The following MACF1 variants were observed in gnomAD, a reference collection of about 807,000 sequenced individuals.
MACF1 encodes microtubule-actin cross-linking factor 1.
MACF1 carries 193 observed loss-of-function variants against 854.8 expected under a neutral mutation model. The observed-to-expected ratio is 0.23, with a 90% CI of 0.20 to 0.25. The LOEUF (loss-of-function observed/expected upper bound fraction) is 0.25, where lower values mean the gene tolerates loss of function less well. Ranked by LOEUF, MACF1 falls within the 10% of genes least tolerant of loss-of-function variation. The pLI is 1.00. For synonymous variants in MACF1, 3,185 were observed against 3,226.7 expected (o/e 0.99, Z 0.44); for missense variants, 7,722 against 8,929.1 (o/e 0.86, Z 5.45).
At chr1:39,433,194 T>C (rs1213145958) in intron 68 of MACF1, 39 bp downstream of exon 68, 5 of 1,257,666 alleles carry the variant, frequency 4.0e-6, no homozygotes, top group African/African-American at 1.5e-5. Flanking sequence ...TGTTCCTGTT[T>C]TTATCATGGT....
chr1:39,388,857 TTTCTTCTTC>T (rs1283816752), intron 58 of MACF1, among the ~76,000 whole-genome samples, 199 bp downstream of exon 58: 9 of 139,844 alleles, frequency 6.4e-5, no homozygotes, highest in Non-Finnish European at 1.1e-4. Context: ...TCTTTTTCTT[TTTCTTCTTC>T]TTCTTCTTTT....
intron 2 of MACF1, among the ~76,000 whole-genome samples, chr1:39,241,376 G>A (rs1382307605): frequency 6.6e-6 from 1 of 151,868 alleles, no homozygotes; most frequent in Non-Finnish European, 1.5e-5. Flanking sequence ...TCAATACTAC[G>A]AGGCCAGGCA....
At chr1:39,362,639 G>A (rs1021313389) in intron 49 of MACF1, among the ~76,000 whole-genome samples, 1 of 151,930 alleles carries the variant, frequency 6.6e-6, no homozygotes, top group Non-Finnish European at 1.5e-5. Flanking sequence ...CAGCATAAGA[G>A]CACTTTTGGA....
At chr1:39,242,416 T>A (rs1171026175) in intron 2 of MACF1, among the ~76,000 whole-genome samples, 2 of 150,388 alleles carry the variant, frequency 1.3e-5, no homozygotes, top group Non-Finnish European at 1.5e-5. Flanking sequence ...CTGGGGAGGA[T>A]TGGACTTGGT....
chr1:39,358,772 C>G lies in MACF1; in HGVS notation c.12019C>G (p.Gln4007Glu). ...HQFQNSADSL[Q>E]AWMQACEANV... ...ATTCCAAAACAGTGCTGACAGCCTGCAGGCCTGGATGCAGGCTTGTGAGGC... is the reference window on the plus strand; with the variant it reads ...ATTCCAAAACAGTGCTGACAGCCTGGAGGCCTGGATGCAGGCTTGTGAGGC... The change falls in exon 46 of 101, where the codon CAG (glutamine) becomes GAG (glutamate). Residue 4007 changes from glutamine to glutamate, a missense_variant. Physicochemically the swap from Gln to Glu is conservative, Grantham distance 29. This residue lies in a region of MACF1 where 2,807 missense variants were observed against 3,235.8 expected (regional missense o/e 0.87). Transcript: ENST00000564288. The G allele has an allele frequency of 6.2e-7, 1 of 1,614,074 alleles. No individual in the cohort carries two copies. Among genetic ancestry groups the G allele is most frequent in the Non-Finnish European group, 8.5e-7 (1 of 1,179,978 alleles).
chr1:39,101,374 G>GTA (rs112843404), intron 2 of MACF1, among the ~76,000 whole-genome samples: 44,125 of 123,880 alleles, frequency 0.36, 6,871 homozygotes, highest in African/African-American at 0.38. Context: ...AAAAAAATAT[G>GTA]TATATATATA....
rs757560141 is a variant in MACF1, at chr1:39,309,650, A to G, written c.2870A>G (p.Tyr957Cys). The change falls in exon 24 of 101, where the codon TAT becomes TGT. Residue 957 changes from tyrosine (Y) to cysteine (C), a missense_variant. Transcript: ENST00000564288. ...ACCAAAAGCCTTATCTCTTGGAACT[A>G]TCTGCGTAAAGACCTTGACCTTGTA... The part of the protein sequence containing the change: ...VNTKSLISWN[Y>C]LRKDLDLVQT... The G allele has an allele frequency of 2.6e-5, 42 of 1,614,182 alleles. No individual in the cohort carries two copies. The highest frequency in any genetic ancestry group is 3.3e-4 in the Middle Eastern group (2 of 6,062).
At chr1:39,269,051 C>T (rs1450949238) in intron 6 of MACF1, 16 of 1,289,330 alleles carry the variant, frequency 1.2e-5, no homozygotes, top group African/African-American at 1.1e-4. Flanking sequence ...AGGTCCAGAC[C>T]GCCCACCTTT....
At chr1:39,290,955 G>T (rs1369322974) in intron 15 of MACF1, among the ~76,000 whole-genome samples, 1 of 151,298 alleles carries the variant, frequency 6.6e-6, no homozygotes, top group African/African-American at 2.4e-5. Flanking sequence ...GATTACAGGA[G>T]TGAGCCATTA....
At chr1:39,227,655 A>G (rs1206104334) in intron 1 of MACF1, among the ~76,000 whole-genome samples, 2 of 152,178 alleles carry the variant, frequency 1.3e-5, no homozygotes, top group East Asian at 1.9e-4. Flanking sequence ...CCCCTTACCT[A>G]TAGGATAAAG....
chr1:39,430,608 G>C, intron 65 of MACF1, 94 bp from the exon 66 acceptor site: 1 of 918,972 alleles, frequency 1.1e-6, no homozygotes, highest in Non-Finnish European at 1.8e-6. Flanking sequence ...AGTCCTGCTG[G>C]GATGTGTGGT....
intron 48 of MACF1, 64 bp from the exon 49 acceptor site, chr1:39,361,296 G>A (rs1045512349): frequency 3.3e-6 from 5 of 1,505,496 alleles, no homozygotes; most frequent in Non-Finnish European, 4.6e-6. Context: ...ATAGTTATTA[G>A]TTTGTGGCTC....
Position 39,258,728 on chromosome 1 carries a change from G to C in MACF1, c.528+700G>C, listed in dbSNP as rs373451587. Reference sequence around the variant, plus strand: ...CAGCTCTCTCTGATACACAGTTGCTGCACATGAGGCTGATGGATTAGAGGC... The same window carrying C: ...CAGCTCTCTCTGATACACAGTTGCTCCACATGAGGCTGATGGATTAGAGGC... On this transcript the variant is annotated intron_variant, in intron 6 of 100. Transcript: ENST00000564288. Among the ~76,000 whole-genome samples the C allele has an allele frequency of 5.9e-5, 9 of 152,228 alleles. No homozygotes were observed. The East Asian group carries it at 1.5e-3, about 26-fold the overall frequency.
intron 1 of MACF1, among the ~76,000 whole-genome samples, chr1:39,208,719 G>A (rs1036392568): frequency 4.6e-5 from 7 of 152,182 alleles, no homozygotes; most frequent in African/African-American, 1.2e-4. Flanking sequence ...CCGCCTCCCG[G>A]GTTCAAGCGA....
At chr1:39,480,374 G>A (rs1420921336) in intron 98 of MACF1, among the ~76,000 whole-genome samples, 1 of 152,244 alleles carries the variant, frequency 6.6e-6, no homozygotes, top group Non-Finnish European at 1.5e-5. Context: ...CCTTTGGGAA[G>A]CTGTGGTGGG....
At chr1:39,254,152 G>A (rs567406000) in intron 4 of MACF1, 146 bp from the exon 5 acceptor site, 1 of 661,412 alleles carries the variant, frequency 1.5e-6, no homozygotes, top group East Asian at 2.7e-5. Flanking sequence ...CTGGTCTTAG[G>A]GGGTGCTTTG....
intron 77 of MACF1, 72 bp from the exon 78 acceptor site, chr1:39,442,642 T>C: frequency 6.2e-7 from 1 of 1,609,046 alleles, no homozygotes. Flanking sequence ...CCTTTGAATG[T>C]TGTGTATATC....
At chr1:39,379,586 T>C (rs1650002329) in intron 54 of MACF1, 142 bp downstream of exon 54, 2 of 872,006 alleles carry the variant, frequency 2.3e-6, no homozygotes, top group Non-Finnish European at 3.4e-6. Context: ...ACATTCTAAA[T>C]GATTAATATG....
intron 2 of MACF1, among the ~76,000 whole-genome samples, chr1:39,131,179 TAAGAGACA>T (rs1642994690): frequency 7.1e-6 from 1 of 141,332 alleles, no homozygotes; most frequent in Non-Finnish European, 1.6e-5. Context: ...TTTTTTTTTT[TAAGAGACA>T]GAGTCTTGTT....
Sources: gnomAD v4.1 joint callset for allele counts (sites outside exome capture counted in the v4.1 genomes callset) on GRCh38, gnomAD v4.1.1 for gene constraint, gnomAD v4.1.1 regional missense constraint, MANE v1.5 for transcripts, NCBI Gene and HGNC (gene_info 2026-07-23, HGNC 2026-07-21) for gene names.